EPB41L4A: variants seen among roughly 807,000 people sequenced by gnomAD.
The protein encoded by EPB41L4A is erythrocyte membrane protein band 4.1 like 4A, also known as band 4.1-like protein 4A.
EPB41L4A carries 100 observed loss-of-function variants against 108.6 expected under a neutral mutation model. That is an observed-to-expected ratio of 0.92 (90% CI 0.78 to 1.09). The LOEUF (loss-of-function observed/expected upper bound fraction) is 1.09. EPB41L4A is among the 50% of genes least tolerant of loss of function. EPB41L4A has a pLI of 0.00. For synonymous variants in EPB41L4A, 319 were observed against 289.0 expected, an observed-to-expected ratio of 1.10 and a Z score of -1.05; for missense variants, 1,030 against 842.7, an observed-to-expected ratio of 1.22 and a Z score of -2.75.
chr5:112,182,557 G>T (rs1170517499), intron 18 of EPB41L4A, among the ~76,000 whole-genome samples: 2 of 151,942 alleles, frequency 1.3e-5, no homozygotes, highest in African/African-American at 4.8e-5. Context: ...GCATTTAATT[G>T]AACTCAGAAT....
intron 14 of EPB41L4A, 29 bp from the exon 15 acceptor site, chr5:112,204,517 A>G: frequency 6.9e-7 from 1 of 1,455,728 alleles, no homozygotes. Context: ...GGTCAAAAAG[A>G]GCCCAGAGAG....
At chr5:112,400,041 G>C (rs1436157304) in intron 1 of EPB41L4A, among the ~76,000 whole-genome samples, 1 of 152,160 alleles carries the variant, frequency 6.6e-6, no homozygotes, top group African/African-American at 2.4e-5. Flanking sequence ...CTATAAAGAA[G>C]CACTTGAGAC....
intron 1 of EPB41L4A, among the ~76,000 whole-genome samples, chr5:112,343,187 A>G (rs1436472801): frequency 1.3e-5 from 2 of 152,206 alleles, no homozygotes; most frequent in African/African-American, 2.4e-5. Flanking sequence ...TTCTCCCAAC[A>G]GCCCCCGAAA....
intron 2 of EPB41L4A, among the ~76,000 whole-genome samples, chr5:112,297,902 G>C (rs1182120272): frequency 1.3e-5 from 2 of 151,898 alleles, no homozygotes; most frequent in Non-Finnish European, 2.9e-5. Context: ...TCCCCACTTT[G>C]TTTTTGTTTG....
At chr5:112,171,060 T>G (rs1488784168) in intron 18 of EPB41L4A, 68 bp from the exon 19 acceptor site, 1 of 1,365,280 alleles carries the variant, frequency 7.3e-7, no homozygotes, top group Non-Finnish European at 1.0e-6. Flanking sequence ...TAACTAACTT[T>G]AATAGTTTTC....
Position 112,163,425 on chromosome 5 carries a change from G to C in EPB41L4A, c.*1565C>G, listed in dbSNP as rs571799673. ...ACCTTAAGGCCATGGGTATAAATGA[G>C]ATCTGCTGGTGGTAGAGGAAGAGGG... On this transcript the variant is annotated 3_prime_UTR_variant, in exon 23 of 23. Coordinates refer to ENST00000261486, the MANE Select transcript of EPB41L4A (RefSeq NM_022140.5). The C allele has an allele frequency of 2.0e-5, 3 of 152,316 alleles. No homozygotes were observed. Among genetic ancestry groups the C allele is most frequent in the East Asian group, 3.9e-4 (2 of 5,188 alleles). 9.4% of individuals were successfully genotyped at this position (152,316 alleles called of 1,614,324 possible). A position where few individuals can be genotyped will look rare whatever the true frequency, so the allele number is the denominator to read the frequency against.
chr5:112,145,309 G>A (rs1289114642), intron 13 of EPB41L4A, among the ~76,000 whole-genome samples: 1 of 152,122 alleles, frequency 6.6e-6, no homozygotes, highest in African/African-American at 2.4e-5. Flanking sequence ...ATCTTAATTT[G>A]ATAACGGAGA....
chr5:112,400,341 T>C (rs1399945811), intron 1 of EPB41L4A, among the ~76,000 whole-genome samples: 1 of 142,324 alleles, frequency 7.0e-6, no homozygotes, highest in East Asian at 2.1e-4. Context: ...CAATTCGAGG[T>C]GAGATTTGCG....
intron 15 of EPB41L4A, 99 bp from the exon 16 acceptor site, chr5:112,195,807 T>A: frequency 2.0e-6 from 2 of 1,019,568 alleles, no homozygotes; most frequent in Admixed American, 4.3e-5. Flanking sequence ...CACATATTTG[T>A]CATACATTCA....
chr5:112,352,995 G>GT (rs1266929422), intron 1 of EPB41L4A, among the ~76,000 whole-genome samples: 3 of 152,124 alleles, frequency 2.0e-5, no homozygotes, highest in East Asian at 1.9e-4. Context: ...TCCTACAGAT[G>GT]TATCTATAGT....
intron 15 of EPB41L4A, 63 bp downstream of exon 15, chr5:112,204,312 G>C (rs1460547773): frequency 3.6e-6 from 4 of 1,098,478 alleles, no homozygotes; most frequent in East Asian, 2.4e-5. Context: ...CTATTATAAA[G>C]TCAGGCCTGG....
intron 1 of EPB41L4A, among the ~76,000 whole-genome samples, chr5:112,336,429 G>T (rs1447253585): frequency 1.3e-5 from 2 of 152,138 alleles, no homozygotes; most frequent in Non-Finnish European, 2.9e-5. Flanking sequence ...ATTCTTTCCT[G>T]TGTTCCAGAA....
intron 2 of EPB41L4A, among the ~76,000 whole-genome samples, chr5:112,305,996 T>C (rs1035210566): frequency 1.1e-4 from 16 of 152,146 alleles, no homozygotes; most frequent in African/African-American, 3.9e-4. Flanking sequence ...GCCATTGTTT[T>C]GAAATTCTCT....
chr5:112,403,795 A>G (rs1431289407), intron 1 of EPB41L4A, among the ~76,000 whole-genome samples: 2 of 152,152 alleles, frequency 1.3e-5, no homozygotes, highest in African/African-American at 2.4e-5. Flanking sequence ...ACACATCTCC[A>G]TCAAGTGAAC....
At chr5:112,275,184 A>T in intron 4 of EPB41L4A, 142 bp downstream of exon 4, 1 of 1,075,256 alleles carries the variant, frequency 9.3e-7, no homozygotes, top group Non-Finnish European at 1.3e-6. Flanking sequence ...ATGCTAGTTT[A>T]AATTTTACCC....
chr5:112,294,514 A>T (rs1483504532), intron 2 of EPB41L4A, among the ~76,000 whole-genome samples: 3 of 152,238 alleles, frequency 2.0e-5, no homozygotes, highest in Non-Finnish European at 2.9e-5. Flanking sequence ...GTAATATGTG[A>T]TACAAGAAGG....
At chr5:112,208,244 C>CAAAAAAAAAAAA (rs68152475) in intron 13 of EPB41L4A, among the ~76,000 whole-genome samples, 4 of 85,108 alleles carry the variant, frequency 4.7e-5, no homozygotes, top group African/African-American at 4.6e-5. Flanking sequence ...GACTCCATCT[C>CAAAAAAAAAAAA]AAAAAAAAAA....
intron 12 of EPB41L4A, among the ~76,000 whole-genome samples, chr5:112,153,017 G>A (rs572529804): frequency 6.4e-4 from 98 of 152,034 alleles, no homozygotes; most frequent in African/African-American, 2.3e-3. Context: ...TCAGGAGTTC[G>A]AGACTAGCCT....
At position 112,275,318 on chromosome 5, in the gene EPB41L4A, T is replaced by C. The variant is rs1430762278; in HGVS notation, c.335+8A>G. The C allele has an allele frequency of 7.8e-6, 12 of 1,541,414 alleles. No individual in the cohort carries two copies. Among genetic ancestry groups the C allele is most frequent in the Non-Finnish European group, 1.1e-5 (12 of 1,138,020 alleles). On this transcript the variant is annotated splice_region_variant and intron_variant, in intron 4 of 22. Transcript: ENST00000261486. ...TGTATCTGTTCAAAAACAAAGTCAA[T>C]ACTATACCTGGTTATTTCTTCTTTA...
Sources: gnomAD v4.1 joint callset for allele counts (sites outside exome capture counted in the v4.1 genomes callset) on GRCh38, gnomAD v4.1.1 for gene constraint, MANE v1.5 for transcripts, NCBI Gene and HGNC (gene_info 2026-07-23, HGNC 2026-07-21) for gene names.